Variants in ICA1 observed in about 807,000 individuals in gnomAD.
ICA1 encodes the protein islet cell autoantigen 1.
ICA1 carries 40 observed loss-of-function variants against 71.0 expected under a neutral mutation model. That is an observed-to-expected ratio of 0.56 (90% CI 0.44 to 0.73). The LOEUF is 0.73. Among genes scored for constraint, ICA1 ranks in the 30% least tolerant of loss-of-function variants. The probability of loss-of-function intolerance (pLI) is 0.00; values close to 1 mark genes in which losing one functional copy is unlikely to be tolerated. For synonymous variants in ICA1, 207 were observed against 209.5 expected (o/e 0.99, Z 0.10); for missense variants, 578 against 576.5 (o/e 1.00, Z -0.03).
At position 8,143,856 on chromosome 7, in the gene ICA1, GA is replaced by G; in HGVS notation, c.902+18del. Reference sequence around the variant, plus strand: ...ACCTGTGGGAAGAAAGATGCAGAGGGAAGGAACCTGTGACTTACTGGCTCGG... The same window carrying G: ...ACCTGTGGGAAGAAAGATGCAGAGGGAGGAACCTGTGACTTACTGGCTCGG... On this transcript the variant is annotated intron_variant, in intron 9 of 13. Coordinates refer to ENST00000402384, the MANE Select transcript of ICA1 (RefSeq NM_001136020.3). 6.6e-7 allele frequency: 1 copy of G among 1,519,462 alleles called. No homozygotes were observed. Among genetic ancestry groups the G allele is most frequent in the Non-Finnish European group, 9.1e-7 (1 of 1,094,784 alleles). 94.1% of individuals were successfully genotyped at this position (1,519,462 alleles called of 1,614,324 possible). A position where few individuals can be genotyped will look rare whatever the true frequency, so the allele number is the denominator to read the frequency against.
At chr7:8,142,660 C>T (rs1460509714) in intron 9 of ICA1, among the ~76,000 whole-genome samples, 1 of 152,234 alleles carries the variant, frequency 6.6e-6, no homozygotes, top group Non-Finnish European at 1.5e-5. Flanking sequence ...ACCTTCCTTC[C>T]ATCTTTTACA....
chr7:8,155,299 T>C (rs1179793603), intron 8 of ICA1, among the ~76,000 whole-genome samples: 1 of 152,234 alleles, frequency 6.6e-6, no homozygotes, highest in East Asian at 1.9e-4. Flanking sequence ...CTGCCCAAAA[T>C]ATTTGTAAGT....
At chr7:8,150,579 A>T (rs1798454077) in intron 8 of ICA1, among the ~76,000 whole-genome samples, 1 of 152,198 alleles carries the variant, frequency 6.6e-6, no homozygotes, top group Non-Finnish European at 1.5e-5. Context: ...GGTCTTAAAA[A>T]TTCTACAACT....
At chr7:8,254,786 C>T (rs1809479910) in intron 1 of ICA1, among the ~76,000 whole-genome samples, 1 of 151,986 alleles carries the variant, frequency 6.6e-6, no homozygotes, top group Admixed American at 6.6e-5. Context: ...AAACACAACA[C>T]AATGTTTACA....
At chr7:8,231,290 G>C (rs1417404561) in intron 3 of ICA1, among the ~76,000 whole-genome samples, 1 of 152,104 alleles carries the variant, frequency 6.6e-6, no homozygotes, top group Non-Finnish European at 1.5e-5. Flanking sequence ...CAATGTAAGC[G>C]TGTGGGAGAG....
At chr7:8,156,570 C>A in intron 8 of ICA1, 1 of 290,188 alleles carries the variant, frequency 3.4e-6, no homozygotes, top group East Asian at 7.4e-5. Context: ...GATGAAAAAT[C>A]ATTGAGTTTA....
In ICA1 at chr7:8,226,975, G is replaced by A. The variant is rs1798781613; in HGVS notation, c.256+1626C>T. On this transcript the variant is annotated intron_variant, in intron 4 of 13. Coordinates refer to ENST00000402384, the MANE Select transcript of ICA1 (RefSeq NM_001136020.3). The surrounding 1 kb of genome is among the most constrained non-coding windows in gnomAD (Gnocchi z 4.4). ...ATCACTATTTACAGGAAATATGCAA[G>A]CATCCTTCTTTTCTTCCCTTGTTAC... Among the ~76,000 whole-genome samples, 3 of 152,180 alleles carry A rather than the reference G, an allele frequency of 2.0e-5. No homozygotes were observed. Among genetic ancestry groups the A allele is most frequent in the Admixed American group, 1.3e-4 (2 of 15,278 alleles).
At chr7:8,133,926 G>C (rs909428841) in intron 12 of ICA1, among the ~76,000 whole-genome samples, 1 of 135,188 alleles carries the variant, frequency 7.4e-6, no homozygotes, top group Non-Finnish European at 1.5e-5. Context: ...TAAGGAAAAA[G>C]ACCCAGGTTA....
Position 8,235,898 on chromosome 7 carries a change from C to T in ICA1, c.17+12G>A, listed in dbSNP as rs1563137721. 3 of 1,612,740 alleles carry T rather than the reference C, an allele frequency of 1.9e-6. No individual in the cohort carries two copies. Among genetic ancestry groups the T allele is most frequent in the Non-Finnish European group, 2.5e-6 (3 of 1,179,262 alleles). On this transcript the variant is annotated intron_variant, in intron 2 of 13. Coordinates refer to ENST00000402384, the MANE Select transcript of ICA1 (RefSeq NM_001136020.3). Reference sequence around the variant, plus strand: ...TACTTTCCCAATTCAGAAAAGATGACAAATTACTTACCATTTGTGTCCTGA... The same window carrying T: ...TACTTTCCCAATTCAGAAAAGATGATAAATTACTTACCATTTGTGTCCTGA...
Position 8,136,965 on chromosome 7 carries a change from A to G in ICA1, c.1060+1875T>C, listed in dbSNP as rs7780085. On this transcript the variant is annotated intron_variant, in intron 12 of 13. Transcript: ENST00000402384. ...TCGCAGGCAGTGCCATTTCTGATTT[A>G]ATTCTGTGAAAAAATGCATGACTAC... 6.0e-3 allele frequency among the ~76,000 whole-genome samples: 910 copies of G among 152,294 alleles called. 8 individuals carry two copies. Among genetic ancestry groups the G allele is most frequent in the African/African-American group, 0.02 (852 of 41,564 alleles).
rs567961545 is a variant in ICA1, at chr7:8,166,980, T to C, written c.580-8328A>G. Among the ~76,000 whole-genome samples the C allele has an allele frequency of 2.6e-5, 4 of 152,282 alleles. No homozygotes were observed. In the South Asian group the frequency reaches 8.3e-4, roughly 32 times the overall value. On this transcript the variant is annotated intron_variant, in intron 6 of 13. Transcript: ENST00000402384. ...GCTATTAAAAAGTCAAAAAATGACA[T>C]GCTGGTGAGGCTGCAGAAAAAAGGA...
intron 3 of ICA1, among the ~76,000 whole-genome samples, chr7:8,230,232 C>T (rs552632314): frequency 3.3e-5 from 5 of 152,164 alleles, no homozygotes; most frequent in South Asian, 2.1e-4. Flanking sequence ...TAGCAAGCAA[C>T]GTGGACAAAT....
chr7:8,202,873 C>G (rs1031652098), intron 6 of ICA1, among the ~76,000 whole-genome samples: 5 of 151,880 alleles, frequency 3.3e-5, no homozygotes, highest in African/African-American at 1.2e-4. Flanking sequence ...ACACACCGCA[C>G]GAATGGGGGA....
intron 6 of ICA1, among the ~76,000 whole-genome samples, chr7:8,210,236 T>G (rs1450994407): frequency 1.3e-5 from 2 of 152,152 alleles, no homozygotes; most frequent in African/African-American, 4.8e-5. Flanking sequence ...GGAAGTAGAA[T>G]TATTAGAAAC....
At position 8,223,179 on chromosome 7, in the gene ICA1, A is replaced by C. The variant is rs1216762617; in HGVS notation, c.257-1781T>G. ...AATATGTGCCTCACTCAATTCCACA[A>C]TGAATCTTTCCCTATGGAAAGCAAT... On this transcript the variant is annotated intron_variant, in intron 4 of 13. Transcript: ENST00000402384. This position sits in a 1 kb window ranked among gnomAD's most constrained non-coding sequence, Gnocchi z 4.1. Among the ~76,000 whole-genome samples, 1 of 152,174 alleles carries C rather than the reference A, an allele frequency of 6.6e-6. No individual in the cohort carries two copies. The highest frequency in any genetic ancestry group is 1.5e-5 in the Non-Finnish European group (1 of 68,032).
chr7:8,118,337 C>T (rs2128002110), intron 13 of ICA1, among the ~76,000 whole-genome samples: 1 of 152,308 alleles, frequency 6.6e-6, no homozygotes, highest in Non-Finnish European at 1.5e-5. Context: ...ATATACATAA[C>T]AGAATTCACA....
chr7:8,254,076 G>A (rs1042782514), intron 1 of ICA1, among the ~76,000 whole-genome samples: 2 of 152,140 alleles, frequency 1.3e-5, no homozygotes, highest in South Asian at 4.1e-4. Flanking sequence ...CTGAGAGTGA[G>A]GAGAGAATTT....
At chr7:8,182,308 A>T (rs1474543397) in intron 6 of ICA1, among the ~76,000 whole-genome samples, 1 of 152,200 alleles carries the variant, frequency 6.6e-6, no homozygotes. Context: ...CAATTGCTTG[A>T]TTAATGTCTG....
At chr7:8,127,133 A>T (rs1027755524) in intron 13 of ICA1, among the ~76,000 whole-genome samples, 3 of 151,188 alleles carry the variant, frequency 2.0e-5, no homozygotes, top group African/African-American at 7.3e-5. Flanking sequence ...GGCATGTGCC[A>T]TCATGCCTAC....
Sources: allele counts gnomAD v4.1 joint callset (sites outside exome capture counted in the v4.1 genomes callset), GRCh38; gene constraint gnomAD v4.1.1; non-coding constraint Gnocchi (gnomAD v3.1); transcripts MANE v1.5; gene names NCBI Gene and HGNC (gene_info 2026-07-23, HGNC 2026-07-21).